GSPT1: variants seen among roughly 807,000 people sequenced by gnomAD.
GSPT1 encodes eukaryotic peptide chain release factor GTP-binding subunit ERF3A.
A neutral mutation model predicts 72.5 loss-of-function variants in GSPT1; 20 were observed. The ratio of observed to expected loss-of-function variants is 0.28; its 90% CI spans 0.19 to 0.40. The LOEUF (loss-of-function observed/expected upper bound fraction) is 0.40. Ranked by LOEUF, GSPT1 falls within the 10% of genes least tolerant of loss-of-function variation. GSPT1 has a pLI of 1.00. For missense variants in GSPT1, 580 were observed against 811.9 expected (o/e 0.71, Z 3.47); for synonymous variants, 334 against 293.5 (o/e 1.14, Z -1.41).
intron 5 of GSPT1, among the ~76,000 whole-genome samples, chr16:11,892,827 CTCAAA>C (rs1946068753): frequency 5.3e-4 from 1 of 1,892 alleles, no homozygotes; most frequent in Non-Finnish European, 1.2e-3. Flanking sequence ...GAGATTCTGT[CTCAAA>C]AAAAAAAAAA....
At chr16:11,906,821 CAT>C (rs1215755850) in intron 1 of GSPT1, among the ~76,000 whole-genome samples, 3 of 152,162 alleles carry the variant, frequency 2.0e-5, no homozygotes, top group Admixed American at 6.6e-5. Context: ...GGTAAGATCA[CAT>C]GAGACAATAT....
At chr16:11,910,066 C>G (rs1369681189) in intron 1 of GSPT1, among the ~76,000 whole-genome samples, 1 of 152,024 alleles carries the variant, frequency 6.6e-6, no homozygotes, top group Non-Finnish European at 1.5e-5. Flanking sequence ...AATTATACTC[C>G]AGCTTGGGTG....
At chr16:11,906,805 T>C (rs1337527181) in intron 1 of GSPT1, among the ~76,000 whole-genome samples, 1 of 152,200 alleles carries the variant, frequency 6.6e-6, no homozygotes, top group Non-Finnish European at 1.5e-5. Flanking sequence ...TAATAGGCAC[T>C]TATCTGGTAA....
At chr16:11,913,123 G>A (rs769088050) in intron 1 of GSPT1, among the ~76,000 whole-genome samples, 2 of 152,122 alleles carry the variant, frequency 1.3e-5, no homozygotes, top group Non-Finnish European at 2.9e-5. Context: ...TCCAATCCAG[G>A]TGTTATTTCC....
rs965980927 is a variant in GSPT1, at chr16:11,891,263, C to G, written c.699-124G>C. On this transcript the variant is annotated intron_variant, in intron 5 of 14. Transcript: ENST00000434724. ...AAATAGTTATTTTATATGTGTGTGT[C>G]TGTCTAAAAAAATATAAAATATATA... 9 of 357,472 alleles carry G rather than the reference C, an allele frequency of 2.5e-5. 1 individual carries two copies. Among genetic ancestry groups the G allele is most frequent in the Middle Eastern group, 8.3e-4 (1 of 1,206 alleles). The allele number at this position is 357,472 out of a possible 1,614,324, so 22.1% of individuals were successfully genotyped here.
In GSPT1 at chr16:11,883,049, C is replaced by G. The variant is rs2054141039; in HGVS notation, c.1394G>C (p.Cys465Ser). The G allele has an allele frequency of 3.7e-6, 6 of 1,607,904 alleles. No homozygotes were observed. Among genetic ancestry groups the G allele is most frequent in the Non-Finnish European group, 5.1e-6 (6 of 1,174,414 alleles). Reference protein sequence around the residue: ...VLGKLESGSICKGQQLVMMPN... With the variant: ...VLGKLESGSISKGQQLVMMPN... ...CATCATCACAAGCTGCTGGCCTTTA[C>G]AAATAGATCCTGATTCCAGCTTTCC... Residue 465 changes from cysteine (C) to serine (S), a missense_variant, in exon 11 of 15, where the codon TGT (cysteine) becomes TCT (serine). Transcript: ENST00000434724.
intron 1 of GSPT1, among the ~76,000 whole-genome samples, chr16:11,903,683 C>A (rs2054446783): frequency 6.6e-6 from 1 of 151,956 alleles, no homozygotes; most frequent in African/African-American, 2.4e-5. Context: ...GGTGTGAGAC[C>A]CTGTCTCCAA....
At chr16:11,914,370 G>T (rs2054599139) in intron 1 of GSPT1, among the ~76,000 whole-genome samples, 1 of 152,180 alleles carries the variant, frequency 6.6e-6, no homozygotes, top group African/African-American at 2.4e-5. Context: ...GTCAGCACCT[G>T]CAAGCATGCT....
intron 1 of GSPT1, among the ~76,000 whole-genome samples, chr16:11,901,051 G>A (rs2054399924): frequency 6.6e-6 from 1 of 152,190 alleles, no homozygotes; most frequent in Admixed American, 6.5e-5. Flanking sequence ...GCATGCGCCT[G>A]CAGTCCCAGC....
intron 8 of GSPT1, 61 bp downstream of exon 8, chr16:11,886,716 C>A: frequency 6.4e-7 from 1 of 1,560,856 alleles, no homozygotes; most frequent in Non-Finnish European, 8.8e-7. Context: ...GAGAAAAAGT[C>A]GTACAATAAC....
At chr16:11,893,531 C>T (rs1290854560) in intron 5 of GSPT1, among the ~76,000 whole-genome samples, 2 of 152,078 alleles carry the variant, frequency 1.3e-5, no homozygotes, top group Non-Finnish European at 2.9e-5. Context: ...TATTACTTGT[C>T]AAAATGAGAT....
At position 11,915,370 on chromosome 16, in the gene GSPT1, C is replaced by T. The variant is rs759155337; in HGVS notation, c.351G>A (p.Ala117=). 6 of 1,479,434 alleles carry T rather than the reference C, an allele frequency of 4.1e-6. No individual in the cohort carries two copies. The East Asian group carries it at 1.2e-4, about 29-fold the overall frequency. The allele number at this position is 1,479,434 out of a possible 1,614,324, so 91.6% of individuals were successfully genotyped here. ...TCCTCCCGCGTCCCGGGCCTTTACCCGCACGGCCTCCCGCGCCGCTGCCGG... is the reference window on the plus strand; with the variant it reads ...TCCTCCCGCGTCCCGGGCCTTTACCTGCACGGCCTCCCGCGCCGCTGCCGG... ...HGAGSGAGGR[A]APVESSQEEQ... Residue 117 remains alanine (A), a splice_region_variant and synonymous_variant, in exon 1 of 15, where the codon GCG becomes GCA. Transcript: ENST00000434724.
chr16:11,882,290 A>C (rs1450319621), intron 11 of GSPT1: 1 of 152,204 alleles, frequency 6.6e-6, no homozygotes, highest in Non-Finnish European at 1.5e-5. Flanking sequence ...ACTCAACCTG[A>C]GAATTATTTT....
intron 1 of GSPT1, among the ~76,000 whole-genome samples, chr16:11,910,283 G>T (rs918067075): frequency 6.6e-6 from 1 of 152,162 alleles, no homozygotes; most frequent in Non-Finnish European, 1.5e-5. Flanking sequence ...TTACGTAAGG[G>T]ATTGCTGTTC....
At chr16:11,887,978 A>G (rs1422022266) in intron 6 of GSPT1, among the ~76,000 whole-genome samples, 1 of 151,996 alleles carries the variant, frequency 6.6e-6, no homozygotes, top group Admixed American at 6.6e-5. Context: ...CCTGACCAAC[A>G]TGGTGAAGCC....
chr16:11,914,450 G>C (rs76754900), intron 1 of GSPT1, among the ~76,000 whole-genome samples: 1 of 152,174 alleles, frequency 6.6e-6, no homozygotes. Context: ...AAATTTTATG[G>C]ATTAGAAAAT....
rs558064044 is a variant in GSPT1, at chr16:11,913,209, A to G, written c.352+2160T>C. Among the ~76,000 whole-genome samples the G allele has an allele frequency of 7.9e-5, 12 of 152,358 alleles. No individual in the cohort carries two copies. In the East Asian group the frequency reaches 1.2e-3, roughly 15 times the overall value. On this transcript the variant is annotated intron_variant, in intron 1 of 14. Transcript: ENST00000434724. ...TTTTATGGACTTAATAGTCTGGAAC[A>G]TGCAATCCAACAGTCTCAATATAAC... is the stretch of plus-strand genomic sequence containing the variant.
At chr16:11,899,658 CT>C (rs1445981066) in intron 1 of GSPT1, among the ~76,000 whole-genome samples, 1 of 151,990 alleles carries the variant, frequency 6.6e-6, no homozygotes, top group Non-Finnish European at 1.5e-5. Flanking sequence ...TACAGATTAA[CT>C]TTTTTTTGCT....
chr16:11,910,949 T>A (rs1014856899), intron 1 of GSPT1, among the ~76,000 whole-genome samples: 10 of 152,282 alleles, frequency 6.6e-5, no homozygotes, highest in Middle Eastern at 3.4e-3. Context: ...CATTCATACG[T>A]GTAAAACCAT....
Sources: allele counts gnomAD v4.1 joint callset (sites outside exome capture counted in the v4.1 genomes callset), GRCh38; gene constraint gnomAD v4.1.1; transcripts MANE v1.5; gene names NCBI Gene and HGNC (gene_info 2026-07-23, HGNC 2026-07-21).